BCAS3: variants seen among roughly 807,000 people sequenced by gnomAD.
The protein encoded by BCAS3 is BCAS3 microtubule associated cell migration factor.
Under a neutral mutation model 116.1 loss-of-function variants are expected in BCAS3, and 53 were observed. That is an observed-to-expected ratio of 0.46 (90% CI 0.37 to 0.57). The LOEUF (loss-of-function observed/expected upper bound fraction) is 0.57, where lower values mean the gene tolerates loss of function less well. BCAS3 is among the 20% of genes least tolerant of loss of function. BCAS3 has a pLI of 0.00. For synonymous variants in BCAS3, 391 were observed against 408.2 expected, an observed-to-expected ratio of 0.96 and a Z score of 0.51; for missense variants, 917 against 1,165.4, an observed-to-expected ratio of 0.79 and a Z score of 3.10.
intron 18 of BCAS3, among the ~76,000 whole-genome samples, chr17:61,038,340 C>T (rs113270947): frequency 0.041 from 6,081 of 149,080 alleles, 453 homozygotes; most frequent in African/African-American, 0.14. Flanking sequence ...TGCAGTGGCG[C>T]GATCTCAGCT....
Position 61,233,610 on chromosome 17 carries a change from T to A in BCAS3, c.2426-134717T>A, listed in dbSNP as rs1408582303. Among the ~76,000 whole-genome samples, 1 of 152,216 alleles carries A rather than the reference T, an allele frequency of 6.6e-6. No individual in the cohort carries two copies. Among genetic ancestry groups the A allele is most frequent in the Non-Finnish European group, 1.5e-5 (1 of 68,048 alleles). Reference sequence around the variant, plus strand: ...TGAAGACTGGAGAGGTATTTTTGCCTTAACCCTGTCTCTGATTCACTGAGG... The same window carrying A: ...TGAAGACTGGAGAGGTATTTTTGCCATAACCCTGTCTCTGATTCACTGAGG... On this transcript the variant is annotated intron_variant, in intron 22 of 23. Transcript: ENST00000407086. This position sits in a 1 kb window ranked among gnomAD's most constrained non-coding sequence, Gnocchi z 4.3.
rs1283274906 is a variant in BCAS3 at position 61,220,018 on chromosome 17, G to A, written c.2425+135454G>A. 2.0e-5 allele frequency among the ~76,000 whole-genome samples: 3 copies of A among 152,226 alleles called. No homozygotes were observed. Among genetic ancestry groups the A allele is most frequent in the East Asian group, 3.9e-4 (2 of 5,174 alleles). ...GCCGTTAAAACTAAAGTTTTCGGCC[G>A]GGCGCGGTGGCTCACGCCTGTAATC... On this transcript the variant is annotated intron_variant, in intron 22 of 23. Coordinates refer to ENST00000407086, the MANE Select transcript of BCAS3 (RefSeq NM_017679.5). This position sits in a 1 kb window ranked among gnomAD's most constrained non-coding sequence, Gnocchi z 4.5.
In BCAS3 at chr17:60,730,759, A is replaced by G. The variant is rs559619087; in HGVS notation, c.322-16439A>G. On this transcript the variant is annotated intron_variant, in intron 5 of 23. Coordinates refer to ENST00000407086, the MANE Select transcript of BCAS3 (RefSeq NM_017679.5). ...GTTAGAGAAAAAAAGGCCTGAGTTT[A>G]AGAACTATTTTGAATATAGTGTATT... is the stretch of plus-strand genomic sequence containing the variant. Among the ~76,000 whole-genome samples the G allele has an allele frequency of 6.6e-5, 10 of 152,352 alleles. 1 individual carries two copies. In the South Asian group the frequency reaches 2.1e-3, roughly 32 times the overall value.
intron 7 of BCAS3, among the ~76,000 whole-genome samples, chr17:60,829,013 C>T (rs1182416081): frequency 6.6e-6 from 1 of 152,116 alleles, no homozygotes; most frequent in African/African-American, 2.4e-5. Flanking sequence ...CAGCCCTTAA[C>T]AGCAAAGAAT....
chr17:60,828,424 G>T (rs1405718587), intron 7 of BCAS3, among the ~76,000 whole-genome samples: 1 of 152,176 alleles, frequency 6.6e-6, no homozygotes, highest in Non-Finnish European at 1.5e-5. Flanking sequence ...TTGATACAGT[G>T]ATATGTTACT....
chr17:61,252,839 G>C (rs564093713), intron 22 of BCAS3, among the ~76,000 whole-genome samples: 1 of 151,374 alleles, frequency 6.6e-6, no homozygotes, highest in Non-Finnish European at 1.5e-5. Context: ...TTCTTCCTTG[G>C]ATTTTGACTC....
chr17:60,819,092 TATA>T (rs961806113), intron 7 of BCAS3, among the ~76,000 whole-genome samples: 1 of 152,240 alleles, frequency 6.6e-6, no homozygotes, highest in East Asian at 1.9e-4. Context: ...GGATGTTTTT[TATA>T]ATATGTCTTA....
rs763511766 is a variant in BCAS3, at chr17:61,023,580, G to C, written c.1637+7679G>C. ...TTTTCTCATATTAAAAAAATTCTTCGTGTTTACCTTGTTTTCAGCTAGTAA... is the reference window on the plus strand; with the variant it reads ...TTTTCTCATATTAAAAAAATTCTTCCTGTTTACCTTGTTTTCAGCTAGTAA... On this transcript the variant is annotated intron_variant, in intron 16 of 23. Transcript: ENST00000407086. The surrounding 1 kb of genome is among the most constrained non-coding windows in gnomAD (Gnocchi z 4.8). 6.6e-6 allele frequency among the ~76,000 whole-genome samples: 1 copy of C among 152,068 alleles called. No individual in the cohort carries two copies. Among genetic ancestry groups the C allele is most frequent in the Non-Finnish European group, 1.5e-5 (1 of 68,002 alleles).
chr17:60,825,128 T>C (rs902488235), intron 7 of BCAS3, among the ~76,000 whole-genome samples: 1 of 150,402 alleles, frequency 6.6e-6, no homozygotes, highest in South Asian at 2.1e-4. Flanking sequence ...ATCACGCCAC[T>C]GCACTGCAGC....
In BCAS3 at chr17:60,993,058, G is replaced by C. The variant is rs1326078428; in HGVS notation, c.1486+2823G>C. 6.6e-6 allele frequency among the ~76,000 whole-genome samples: 1 copy of C among 151,992 alleles called. No homozygotes were observed. The highest frequency in any genetic ancestry group is 2.4e-5 in the African/African-American group (1 of 41,408). ...AGATATTTCCTTGAGCTTCTTTTTT[G>C]TTCTTATTCTTGCTTCTTTATACAG... On this transcript the variant is annotated intron_variant, in intron 15 of 23. Transcript: ENST00000407086. The surrounding 1 kb of genome is among the most constrained non-coding windows in gnomAD (Gnocchi z 4.2).
chr17:61,369,466 G>T (rs2058931781), intron 23 of BCAS3, among the ~76,000 whole-genome samples: 1 of 152,220 alleles, frequency 6.6e-6, no homozygotes, highest in Non-Finnish European at 1.5e-5. Context: ...ATCAGGACCA[G>T]CAAGATTCAG....
intron 6 of BCAS3, among the ~76,000 whole-genome samples, chr17:60,780,415 G>A (rs893259966): frequency 6.6e-6 from 1 of 151,564 alleles, no homozygotes; most frequent in African/African-American, 2.4e-5. Flanking sequence ...CGATTCTCCT[G>A]CCTCAGCCTC....
intron 6 of BCAS3, among the ~76,000 whole-genome samples, chr17:60,797,464 C>A (rs2047316018): frequency 1.3e-5 from 2 of 150,636 alleles, no homozygotes; most frequent in African/African-American, 2.4e-5. Context: ...GTTCTCCTGT[C>A]CGGCCTCCTG....
Position 61,227,624 on chromosome 17 carries a change from G to A in BCAS3, c.2426-140703G>A, listed in dbSNP as rs565596635. On this transcript the variant is annotated intron_variant, in intron 22 of 23. Transcript: ENST00000407086. This position sits in a 1 kb window ranked among gnomAD's most constrained non-coding sequence, Gnocchi z 6.1. Reference sequence around the variant, plus strand: ...CACATGGCCGAGAGACAGGTGGGAAGCCAAGGAAGAATAAATTGGGCATAG... The same window carrying A: ...CACATGGCCGAGAGACAGGTGGGAAACCAAGGAAGAATAAATTGGGCATAG... Among the ~76,000 whole-genome samples, 1 of 152,350 alleles carries A rather than the reference G, an allele frequency of 6.6e-6. No homozygotes were observed. Among genetic ancestry groups the A allele is most frequent in the Admixed American group, 6.5e-5 (1 of 15,310 alleles).
intron 4 of BCAS3, among the ~76,000 whole-genome samples, chr17:60,707,618 A>G (rs1315604117): frequency 6.6e-6 from 1 of 152,132 alleles, no homozygotes; most frequent in East Asian, 1.9e-4. Flanking sequence ...CATAGGGAGG[A>G]AGCATTCAGT....
intron 22 of BCAS3, among the ~76,000 whole-genome samples, chr17:61,123,695 G>A (rs981555861): frequency 2.6e-5 from 4 of 151,842 alleles, no homozygotes; most frequent in African/African-American, 9.7e-5. Flanking sequence ...TAGTGCCTCT[G>A]TAAAGTGATC....
Position 61,390,470 on chromosome 17 carries a change from A to G in BCAS3, c.2594-1507A>G, listed in dbSNP as rs1405579888. 6.6e-6 allele frequency: 1 copy of G among 150,888 alleles called. No individual in the cohort carries two copies. The highest frequency in any genetic ancestry group is 2.4e-5 in the African/African-American group (1 of 40,894). The allele number at this position is 150,888 out of a possible 1,614,324, so 9.3% of individuals were successfully genotyped here. ...TCCCTGTCCACAGTCCCATCCCCCT[A>G]CTTTCCCCAATTTGCCAAGAAGCCC... On this transcript the variant is annotated intron_variant, in intron 23 of 23. Transcript: ENST00000407086. This position sits in a 1 kb window ranked among gnomAD's most constrained non-coding sequence, Gnocchi z 6.8.
intron 22 of BCAS3, among the ~76,000 whole-genome samples, chr17:61,164,563 G>A (rs1277789693): frequency 1.3e-5 from 2 of 152,152 alleles, no homozygotes; most frequent in African/African-American, 2.4e-5. Flanking sequence ...GCAGGAGTAG[G>A]TTAGTTATTG....
intron 22 of BCAS3, among the ~76,000 whole-genome samples, chr17:61,221,906 A>G (rs531826256): frequency 6.6e-6 from 1 of 152,332 alleles, no homozygotes; most frequent in South Asian, 2.1e-4. Flanking sequence ...TCATTTGTAA[A>G]ATGAAAATTA....
Sources: gnomAD v4.1 joint callset for allele counts (sites outside exome capture counted in the v4.1 genomes callset) on GRCh38, gnomAD v4.1.1 for gene constraint, Gnocchi (gnomAD v3.1) non-coding constraint, MANE v1.5 for transcripts, NCBI Gene and HGNC (gene_info 2026-07-23, HGNC 2026-07-21) for gene names.